Variants in SORCS2 observed in about 807,000 individuals in gnomAD.
SORCS2 encodes the protein VPS10 domain-containing receptor SorCS2.
In SORCS2, 100 loss-of-function variants were observed where a neutral mutation model predicts 141.6. That is an observed-to-expected ratio of 0.71 (90% confidence interval 0.60 to 0.83). SORCS2 has a LOEUF of 0.83. Ranked by LOEUF, SORCS2 falls within the 40% of genes least tolerant of loss-of-function variation. The pLI, the probability that SORCS2 is intolerant of heterozygous loss-of-function variation, is 0.00. For synonymous variants in SORCS2, 789 were observed against 676.9 expected, an observed-to-expected ratio of 1.17 and a Z score of -2.57; for missense variants, 1,646 against 1,560.2, an observed-to-expected ratio of 1.05 and a Z score of -0.93.
At chr4:7,457,463 C>T (rs113801562) in intron 2 of SORCS2, among the ~76,000 whole-genome samples, 1 of 151,568 alleles carries the variant, frequency 6.6e-6, no homozygotes, top group South Asian at 2.1e-4. Flanking sequence ...CACCAGGGAG[C>T]GTGCCCCAGT....
chr4:7,736,076 G>A (rs545536463), intron 25 of SORCS2, among the ~76,000 whole-genome samples: 1 of 152,390 alleles, frequency 6.6e-6, no homozygotes, highest in East Asian at 1.9e-4. Context: ...TCACAGCAGA[G>A]CAACGCCCGT....
intron 1 of SORCS2, among the ~76,000 whole-genome samples, chr4:7,268,985 C>T (rs749351218): frequency 7.2e-5 from 11 of 152,148 alleles, no homozygotes; most frequent in Non-Finnish European, 1.0e-4. Context: ...GAGGCCTGGC[C>T]TGGGAAGGAG....
At position 7,661,525 on chromosome 4, in the gene SORCS2, C is replaced by T. The variant is rs1311430344; in HGVS notation, c.913C>T (p.Pro305Ser). 6.4e-6 allele frequency: 10 copies of T among 1,551,648 alleles called. No individual in the cohort carries two copies. The African/African-American group carries it at 1.2e-4, about 19-fold the overall frequency. Residue 305 changes from proline to serine, a missense_variant, in exon 6 of 27, where the codon CCT becomes TCT. Pro to Ser is a moderately conservative substitution (Grantham distance 74, BLOSUM62 -1). Transcript: ENST00000507866. ...FWSVSGVDAD[P>S]DLVHVEAQDL... ...GTCTGTGTCTGGGGTGGACGCTGAC[C>T]CTGACTTGGTCCACGTGGAAGCCCA...
chr4:7,655,268 C>T (rs764345056), intron 5 of SORCS2, among the ~76,000 whole-genome samples: 1 of 152,110 alleles, frequency 6.6e-6, no homozygotes, highest in African/African-American at 2.4e-5. Context: ...GTGGAACAGA[C>T]CATTGCACGG....
intron 3 of SORCS2, among the ~76,000 whole-genome samples, chr4:7,613,052 G>A (rs62277505): frequency 0.18 from 26,765 of 152,248 alleles, 2,473 homozygotes; most frequent in Middle Eastern, 0.22. Context: ...GGAGCCACAG[G>A]CTCTGCCTAC....
At chr4:7,402,262 A>C (rs778663974) in intron 2 of SORCS2, among the ~76,000 whole-genome samples, 1 of 151,984 alleles carries the variant, frequency 6.6e-6, no homozygotes, top group Non-Finnish European at 1.5e-5. Context: ...TCTCACACCC[A>C]CCCTCACCAC....
At chr4:7,417,966 G>C (rs1012227827) in intron 2 of SORCS2, among the ~76,000 whole-genome samples, 1 of 152,184 alleles carries the variant, frequency 6.6e-6, no homozygotes, top group African/African-American at 2.4e-5. Context: ...GAGGGGCCCT[G>C]GGGTCAGTGG....
chr4:7,524,077 C>T (rs1449854951), intron 2 of SORCS2, among the ~76,000 whole-genome samples: 4 of 152,226 alleles, frequency 2.6e-5, no homozygotes, highest in African/African-American at 9.6e-5. Flanking sequence ...GAAGCTCAGT[C>T]AGTGCAACTG....
At chr4:7,715,120 A>G in intron 16 of SORCS2, 63 bp from the exon 17 acceptor site, 1 of 1,595,556 alleles carries the variant, frequency 6.3e-7, no homozygotes, top group Non-Finnish European at 8.6e-7. Context: ...TTTCACCCCA[A>G]CCCTGGGTGA....
At chr4:7,409,421 C>A (rs1335557738) in intron 2 of SORCS2, among the ~76,000 whole-genome samples, 1 of 152,222 alleles carries the variant, frequency 6.6e-6, no homozygotes, top group Admixed American at 6.5e-5. Context: ...TGCTGCTGAA[C>A]AGACACTCTG....
intron 1 of SORCS2, among the ~76,000 whole-genome samples, chr4:7,315,397 T>C (rs1231792697): frequency 6.6e-6 from 1 of 152,270 alleles, no homozygotes; most frequent in African/African-American, 2.4e-5. Context: ...CATTCTTGGC[T>C]CTGGCCAATG....
chr4:7,523,397 C>T (rs1311932386), intron 2 of SORCS2, among the ~76,000 whole-genome samples: 2 of 152,192 alleles, frequency 1.3e-5, no homozygotes, highest in Non-Finnish European at 2.9e-5. Flanking sequence ...AGAGCACCTC[C>T]AAAGGAATCC....
intron 1 of SORCS2, among the ~76,000 whole-genome samples, chr4:7,324,631 G>A (rs1719120628): frequency 6.6e-6 from 1 of 152,222 alleles, no homozygotes; most frequent in Non-Finnish European, 1.5e-5. Context: ...CTAGCTGGCT[G>A]CAGCCTGGGC....
intron 3 of SORCS2, among the ~76,000 whole-genome samples, chr4:7,573,780 C>T (rs953811289): frequency 6.6e-6 from 1 of 152,232 alleles, no homozygotes; most frequent in South Asian, 2.1e-4. Context: ...AGGCTACTCC[C>T]CTTTGTGCAT....
At chr4:7,401,186 G>A (rs896072909) in intron 2 of SORCS2, among the ~76,000 whole-genome samples, 12 of 152,030 alleles carry the variant, frequency 7.9e-5, no homozygotes, top group African/African-American at 2.9e-4. Context: ...TGGATGGATG[G>A]ATGAATAGAT....
chr4:7,615,795 G>C (rs759886990), intron 3 of SORCS2, among the ~76,000 whole-genome samples: 4 of 152,158 alleles, frequency 2.6e-5, no homozygotes, highest in Admixed American at 1.3e-4. Flanking sequence ...AGGAGCCTCT[G>C]CTGGCCTCAC....
intron 1 of SORCS2, among the ~76,000 whole-genome samples, chr4:7,245,284 G>T (rs185950278): frequency 3.3e-5 from 5 of 152,282 alleles, no homozygotes; most frequent in South Asian, 2.1e-4. Context: ...CCCCCACCCC[G>T]GCTTGGCTTA....
At chr4:7,627,191 C>T (rs1385525744) in intron 3 of SORCS2, among the ~76,000 whole-genome samples, 2 of 152,096 alleles carry the variant, frequency 1.3e-5, no homozygotes, top group African/African-American at 2.4e-5. Context: ...CGCCTTGTTG[C>T]CCAGGCTGGT....
At chr4:7,444,211 G>A (rs1369473778) in intron 2 of SORCS2, among the ~76,000 whole-genome samples, 2 of 152,224 alleles carry the variant, frequency 1.3e-5, no homozygotes, top group Non-Finnish European at 2.9e-5. Context: ...TAGGTCCTGG[G>A]AATATTTGAG....
Sources: allele counts gnomAD v4.1 joint callset (sites outside exome capture counted in the v4.1 genomes callset), GRCh38; gene constraint gnomAD v4.1.1; transcripts MANE v1.5; gene names NCBI Gene and HGNC (gene_info 2026-07-23, HGNC 2026-07-21).